The following RHOBTB1 variants were observed in gnomAD, a reference collection of about 807,000 sequenced individuals.
The protein encoded by RHOBTB1 is rho-related BTB domain-containing protein 1.
Under a neutral mutation model 71.6 loss-of-function variants are expected in RHOBTB1, and 40 were observed. The observed-to-expected ratio is 0.56, with a 90% CI of 0.43 to 0.73. The LOEUF is 0.73. RHOBTB1 is among the 30% of genes least tolerant of loss of function. The pLI is 0.00. For missense variants in RHOBTB1, 797 were observed against 894.0 expected (o/e 0.89, Z 1.38); for synonymous variants, 319 against 334.9 (o/e 0.95, Z 0.52).
chr10:60,958,475 T>C (rs978042359), intron 2 of RHOBTB1, among the ~76,000 whole-genome samples: 5 of 152,116 alleles, frequency 3.3e-5, no homozygotes, highest in African/African-American at 1.2e-4. Context: ...GGGCAAAACT[T>C]GGAATTGAAA....
chr10:60,943,646 G>T (rs1464456367), intron 1 of RHOBTB1, among the ~76,000 whole-genome samples: 1 of 152,196 alleles, frequency 6.6e-6, no homozygotes, highest in Non-Finnish European at 1.5e-5. Context: ...TCTCGTCGGC[G>T]CGGCACCACC....
At chr10:60,916,390 G>A (rs2133571757) in intron 2 of RHOBTB1, among the ~76,000 whole-genome samples, 1 of 152,300 alleles carries the variant, frequency 6.6e-6, no homozygotes, top group South Asian at 2.1e-4. Context: ...GCTGAATGTA[G>A]TTTATGAATG....
the RHOBTB1 span, among the ~76,000 whole-genome samples, chr10:60,861,495 C>T: frequency 2.6e-5 from 4 of 152,168 alleles, no homozygotes; most frequent in African/African-American, 9.6e-5. Context: ...GCTTTCACTT[C>T]CTGGGTAGAT....
intron 9 of RHOBTB1, among the ~76,000 whole-genome samples, chr10:60,874,146 G>T (rs2080932791): frequency 1.3e-5 from 2 of 152,216 alleles, no homozygotes; most frequent in Admixed American, 6.5e-5. Context: ...TTAACAGAAA[G>T]AGGGAGCACA....
At chr10:60,987,957 C>T (rs937626422) in intron 1 of RHOBTB1, among the ~76,000 whole-genome samples, 4 of 107,338 alleles carry the variant, frequency 3.7e-5, no homozygotes, top group Admixed American at 1.2e-4. Context: ...TTTTTAAGAC[C>T]GAGTCTCGCT....
At chr10:60,929,322 A>C (rs1639131759) in intron 2 of RHOBTB1, among the ~76,000 whole-genome samples, 1 of 152,156 alleles carries the variant, frequency 6.6e-6, no homozygotes, top group African/African-American at 2.4e-5. Flanking sequence ...ATGAAAAATT[A>C]AAAAAACAGA....
intron 1 of RHOBTB1, among the ~76,000 whole-genome samples, chr10:60,991,730 C>T (rs2086877706): frequency 1.3e-5 from 2 of 152,164 alleles, no homozygotes; most frequent in African/African-American, 4.8e-5. Flanking sequence ...CGCACCCGAC[C>T]TTCCCTCAGT....
intron 2 of RHOBTB1, among the ~76,000 whole-genome samples, chr10:60,925,428 C>T (rs1023255979): frequency 6.6e-6 from 1 of 151,948 alleles, no homozygotes; most frequent in Non-Finnish European, 1.5e-5. Flanking sequence ...GAACACTGCA[C>T]AAATGGTACT....
chr10:60,942,253 A>G (rs1468265056), intron 1 of RHOBTB1, among the ~76,000 whole-genome samples: 1 of 152,228 alleles, frequency 6.6e-6, no homozygotes, highest in Non-Finnish European at 1.5e-5. Flanking sequence ...CATAATTAAA[A>G]GACCAAACAA....
chr10:60,951,648 C>T (rs747620603), intron 2 of RHOBTB1, among the ~76,000 whole-genome samples: 4 of 152,180 alleles, frequency 2.6e-5, no homozygotes, highest in Non-Finnish European at 4.4e-5. Flanking sequence ...TCACGGTATC[C>T]ATCTTAGAAG....
the RHOBTB1 span, among the ~76,000 whole-genome samples, chr10:60,862,950 G>A: frequency 1.5e-4 from 22 of 148,156 alleles, no homozygotes; most frequent in African/African-American, 1.0e-4. Flanking sequence ...TATGGTGGGT[G>A]AAATAAAAAT....
intron 1 of RHOBTB1, among the ~76,000 whole-genome samples, chr10:60,995,966 C>A (rs1047282593): frequency 6.6e-6 from 1 of 152,146 alleles, no homozygotes; most frequent in Admixed American, 6.5e-5. Context: ...TGCAGTATCA[C>A]ACACTGTGCT....
At chr10:60,876,246 A>G (rs2081047095) in intron 8 of RHOBTB1, among the ~76,000 whole-genome samples, 1 of 152,214 alleles carries the variant, frequency 6.6e-6, no homozygotes, top group African/African-American at 2.4e-5. Context: ...AACACTCTAC[A>G]CTAGACAGTA....
chr10:60,970,693 C>T (rs183366884), intron 2 of RHOBTB1, among the ~76,000 whole-genome samples: 16 of 152,084 alleles, frequency 1.1e-4, no homozygotes, highest in Admixed American at 2.6e-4. Flanking sequence ...TTAACAGTTC[C>T]GTGGTCAGAA....
chr10:60,943,424 C>T (rs2085027894), intron 1 of RHOBTB1, among the ~76,000 whole-genome samples: 1 of 152,178 alleles, frequency 6.6e-6, no homozygotes, highest in South Asian at 2.1e-4. Context: ...AGGTGCTCTG[C>T]AAGCCCCTCA....
intron 2 of RHOBTB1, among the ~76,000 whole-genome samples, chr10:60,967,542 T>C (rs574159445): frequency 7.9e-5 from 12 of 152,052 alleles, no homozygotes; most frequent in Non-Finnish European, 1.5e-4. Context: ...TCCTGATGGA[T>C]GAGAAAAAGA....
intron 2 of RHOBTB1, among the ~76,000 whole-genome samples, chr10:60,971,452 C>G (rs1236886344): frequency 3.3e-5 from 5 of 152,010 alleles, no homozygotes; most frequent in Admixed American, 6.6e-5. Flanking sequence ...GGAAAGGATT[C>G]CCTATTAAAA....
At chr10:60,895,912 A>G (rs2082141121) in intron 4 of RHOBTB1, among the ~76,000 whole-genome samples, 1 of 152,274 alleles carries the variant, frequency 6.6e-6, no homozygotes, top group Admixed American at 6.5e-5. Flanking sequence ...AGAGCTATAG[A>G]AAGATGCAGC....
intron 7 of RHOBTB1, among the ~76,000 whole-genome samples, chr10:60,883,402 G>A (rs1418451593): frequency 2.0e-5 from 3 of 152,186 alleles, no homozygotes; most frequent in Admixed American, 6.5e-5. Flanking sequence ...ATCTGGAGAC[G>A]ATTACAGTCC....
Sources: gnomAD v4.1 joint callset for allele counts (sites outside exome capture counted in the v4.1 genomes callset) on GRCh38, gnomAD v4.1.1 for gene constraint, MANE v1.5 for transcripts, NCBI Gene and HGNC (gene_info 2026-07-23, HGNC 2026-07-21) for gene names.